Variants in ITIH3 observed in about 807,000 individuals in gnomAD.
ITIH3 encodes the protein inter-alpha-trypsin inhibitor heavy chain 3.
A neutral mutation model predicts 96.5 loss-of-function variants in ITIH3; 81 were observed. That is an observed-to-expected ratio of 0.84 (90% CI 0.70 to 1.01). ITIH3 has a LOEUF of 1.01. Among genes scored for constraint, ITIH3 ranks in the 50% least tolerant of loss-of-function variants. The pLI, the probability that ITIH3 is intolerant of heterozygous loss-of-function variation, is 0.00. For synonymous variants in ITIH3, 422 were observed against 445.2 expected, an observed-to-expected ratio of 0.95 and a Z score of 0.66; for missense variants, 1,057 against 1,139.3, an observed-to-expected ratio of 0.93 and a Z score of 1.04.
chr3:52,802,089 AT>A (rs1699849477), intron 11 of ITIH3: 1 of 436,292 alleles, frequency 2.3e-6, no homozygotes, highest in East Asian at 3.6e-5. Flanking sequence ...GTCCTTTCAT[AT>A]TTCTTTTTTT....
At chr3:52,803,304 TTATTTTATTTTATTATTA>T (rs1371336761) in intron 13 of ITIH3, among the ~76,000 whole-genome samples, 1 of 135,300 alleles carries the variant, frequency 7.4e-6, no homozygotes, top group Admixed American at 7.0e-5. Flanking sequence ...ATTTATTTAT[TTATTTTATTTTATTATTA>T]TTATTTTTTT....
rs575313877 is a variant in ITIH3, at chr3:52,804,629, A to G, written c.1865-97A>G. The G allele has an allele frequency of 7.9e-5, 107 of 1,354,076 alleles. No homozygotes were observed. The East Asian group carries it at 2.5e-3, about 32-fold the overall frequency. 83.9% of individuals were successfully genotyped at this position (1,354,076 alleles called of 1,614,324 possible). On this transcript the variant is annotated intron_variant, in intron 14 of 21. Coordinates refer to ENST00000449956, the MANE Select transcript of ITIH3 (RefSeq NM_002217.4). ...CTGGCTGCTGGGAGGCCCACAGCCT[A>G]GGGCTGGTCGGCCAAGCAGCCAGCT... is the stretch of plus-strand genomic sequence containing the variant.
intron 2 of ITIH3, 139 bp downstream of exon 2, chr3:52,795,762 T>C (rs1699557221): frequency 1.3e-6 from 1 of 778,998 alleles, no homozygotes; most frequent in South Asian, 1.8e-5. Context: ...CCTGGCAGCC[T>C]CCAACAGCGC....
At position 52,795,678 on chromosome 3, in the gene ITIH3, G is replaced by A. The variant is rs1373690144; in HGVS notation, c.114+55G>A. 21 of 1,551,446 alleles carry A rather than the reference G, an allele frequency of 1.4e-5. No individual in the cohort carries two copies. In the East Asian group the frequency reaches 4.7e-4, roughly 35 times the overall value. ...AGTGGGGCAGGGCAGGATGGAGCTG[G>A]TTCCCCAACTGCTGAAGGTGTAGGC... On this transcript the variant is annotated intron_variant, in intron 2 of 21. Coordinates refer to ENST00000449956, the MANE Select transcript of ITIH3 (RefSeq NM_002217.4).
In ITIH3 at chr3:52,799,500, C is replaced by A. The variant is rs757217846; in HGVS notation, c.906+12C>A. ...GGAAATTAGAGCAGGTAATCAGCAC[C>A]AGTGGCACAGCCAGGGCTCGGGGTA... On this transcript the variant is annotated intron_variant, in intron 8 of 21. Transcript: ENST00000449956. 1 of 1,575,616 alleles carries A rather than the reference C, an allele frequency of 6.3e-7. No individual in the cohort carries two copies. The highest frequency in any genetic ancestry group is 1.2e-5 in the South Asian group (1 of 86,644).
At chr3:52,807,279 C>A (rs1285686639) in intron 19 of ITIH3, among the ~76,000 whole-genome samples, 174 bp downstream of exon 19, 2 of 152,200 alleles carry the variant, frequency 1.3e-5, no homozygotes, top group Admixed American at 6.5e-5. Flanking sequence ...GGCCCCCAAC[C>A]AAACCCTGGG....
Position 52,802,391 on chromosome 3 carries a change from GAGA to G in ITIH3, c.1443_1445del (p.Glu481_Asn482delinsAsp). 4 of 1,613,990 alleles carry G rather than the reference GAGA, an allele frequency of 2.5e-6. No homozygotes were observed. The South Asian group carries it at 4.4e-5, about 18-fold the overall frequency. On this transcript the variant is annotated inframe_deletion, in exon 12 of 22. Transcript: ENST00000449956. Reference sequence around the variant, plus strand: ...GACGGGTGTGGAGATGGAGTACCCCGAGAACGCTATCCTGGACCTCACCCAGAA... The same window carrying G: ...GACGGGTGTGGAGATGGAGTACCCCGACGCTATCCTGGACCTCACCCAGAA...
At chr3:52,799,694 G>C in intron 8 of ITIH3, 59 bp from the exon 9 acceptor site, 1 of 1,520,624 alleles carries the variant, frequency 6.6e-7, no homozygotes, top group Non-Finnish European at 8.9e-7. Flanking sequence ...CGCCTGCTGA[G>C]CTGAGAAGGG....
At chr3:52,802,284 G>A (rs1357200138) in intron 11 of ITIH3, 50 bp from the exon 12 acceptor site, 1 of 1,592,072 alleles carries the variant, frequency 6.3e-7, no homozygotes, top group Non-Finnish European at 8.6e-7. Flanking sequence ...TGCAGCATCA[G>A]TGGGAGCCTG....
chr3:52,796,829 G>C lies in ITIH3; in HGVS notation c.372G>C (p.Thr124=). 2 of 1,607,494 alleles carry C rather than the reference G, an allele frequency of 1.2e-6. No homozygotes were observed. The highest frequency in any genetic ancestry group is 1.7e-6 in the Non-Finnish European group (2 of 1,177,130). ...AAAAGGCTGTGTCCCAGGGCAAGAC[G>C]GCCGGCTTGGTCAAGTAAGTATGGA... The part of the protein sequence containing the change: ...QYEKAVSQGK[T]AGLVKASGRK... Residue 124 remains threonine, a synonymous_variant, in exon 4 of 22, where the codon ACG becomes ACC. Coordinates refer to ENST00000449956, the MANE Select transcript of ITIH3 (RefSeq NM_002217.4).
chr3:52,800,865 A>C, intron 10 of ITIH3, 100 bp from the exon 11 acceptor site: 1 of 1,524,336 alleles, frequency 6.6e-7, no homozygotes. Flanking sequence ...TCGTGACTCC[A>C]GCAACTCTGC....
chr3:52,797,003 T>TTA lies in ITIH3; in HGVS notation c.387-101_387-100dup, dbSNP rs111258398. On this transcript the variant is annotated intron_variant, in intron 4 of 21. Transcript: ENST00000449956. ...CTGAGGCAAGTGAGGCTCAGAATGG[T>TTA]TAGGGATCTCCCTCGCCAAAGGGCT... 3.1e-3 allele frequency: 4,339 copies of TTA among 1,396,090 alleles called. 130 individuals carry two copies. The African/African-American group carries it at 0.055, about 18-fold the overall frequency. 86.5% of individuals were successfully genotyped at this position (1,396,090 alleles called of 1,614,324 possible). A position where few individuals can be genotyped will look rare whatever the true frequency, so the allele number is the denominator to read the frequency against.
Position 52,803,737 on chromosome 3 carries a change from G to A in ITIH3, c.1710-118G>A, listed in dbSNP as rs1418561669. ...AGCCCAACTGGGCTGTACCCTGGGG[G>A]ACCCCACAATGGGGAAGGTGGAGTG... is the stretch of plus-strand genomic sequence containing the variant. On this transcript the variant is annotated intron_variant, in intron 13 of 21. Transcript: ENST00000449956. The A allele has an allele frequency of 3.5e-6, 4 of 1,144,798 alleles. No individual in the cohort carries two copies. In the African/African-American group the frequency reaches 6.2e-5, roughly 18 times the overall value. 70.9% of individuals were successfully genotyped at this position (1,144,798 alleles called of 1,614,324 possible).
Position 52,799,492 on chromosome 3 carries a change from A to C in ITIH3, c.906+4A>C. 1 of 1,597,196 alleles carries C rather than the reference A, an allele frequency of 6.3e-7. No homozygotes were observed. Among genetic ancestry groups the C allele is most frequent in the Non-Finnish European group, 8.5e-7 (1 of 1,171,638 alleles). On this transcript the variant is annotated splice_donor_region_variant and intron_variant, in intron 8 of 21. Transcript: ENST00000449956. ...GGCTGGTCGGAAATTAGAGCAGGTA[A>C]TCAGCACCAGTGGCACAGCCAGGGC...
At chr3:52,805,912 T>C (rs1700023206) in intron 16 of ITIH3, 72 bp downstream of exon 16, 1 of 1,586,174 alleles carries the variant, frequency 6.3e-7, no homozygotes, top group African/African-American at 1.3e-5. Flanking sequence ...CCCTCCACCG[T>C]GGCTACTCAC....
At chr3:52,806,826 G>A in intron 18 of ITIH3, 75 bp from the exon 19 acceptor site, 1 of 1,233,206 alleles carries the variant, frequency 8.1e-7, no homozygotes, top group Non-Finnish European at 1.2e-6. Flanking sequence ...GGTTGAAGAG[G>A]AAGGCACACC....
At chr3:52,795,877 C>A (rs991996728) in intron 2 of ITIH3, 59 of 509,484 alleles carry the variant, frequency 1.2e-4, no homozygotes, top group Middle Eastern at 1.0e-3. Context: ...CAGACACTTC[C>A]TTAGCACTTG....
chr3:52,799,177 G>C, intron 7 of ITIH3, 86 bp downstream of exon 7: 2 of 1,511,378 alleles, frequency 1.3e-6, no homozygotes, highest in Non-Finnish European at 1.8e-6. Context: ...CATCACCCTG[G>C]GTCCTCAGCC....
Position 52,800,579 on chromosome 3 carries a change from C to T in ITIH3, c.1117C>T (p.Leu373=). Residue 373 remains leucine (L), a synonymous_variant, in exon 10 of 22, where the codon CTG becomes TTG. Coordinates refer to ENST00000449956, the MANE Select transcript of ITIH3 (RefSeq NM_002217.4). ...NDGLLRGISM[L]NKAREEHRIP... ...CGGGCTGCTGAGGGGCATCAGTATG[C>T]TGAACAAGGCCCGAGAGGAGCACAG... is the stretch of plus-strand genomic sequence containing the variant. 1 of 1,564,754 alleles carries T rather than the reference C, an allele frequency of 6.4e-7. No individual in the cohort carries two copies. The highest frequency in any genetic ancestry group is 1.2e-5 in the South Asian group (1 of 84,720).
Sources: gnomAD v4.1 joint callset for allele counts (sites outside exome capture counted in the v4.1 genomes callset) on GRCh38, gnomAD v4.1.1 for gene constraint, MANE v1.5 for transcripts, NCBI Gene and HGNC (gene_info 2026-07-23, HGNC 2026-07-21) for gene names.